The following ITGA3 variants were observed in gnomAD, a reference collection of about 807,000 sequenced individuals.
ITGA3 encodes integrin alpha-3.
In ITGA3, 70 loss-of-function variants were observed where a neutral mutation model predicts 131.1. That is an observed-to-expected ratio of 0.53 (90% CI 0.44 to 0.65). The LOEUF (loss-of-function observed/expected upper bound fraction) is 0.65, where lower values mean the gene tolerates loss of function less well. Ranked by LOEUF, ITGA3 falls within the 30% of genes least tolerant of loss-of-function variation. The pLI is 0.00. For synonymous variants in ITGA3, 537 were observed against 571.6 expected (o/e 0.94, Z 0.86); for missense variants, 1,098 against 1,388.6 (o/e 0.79, Z 3.33).
chr17:50,090,326 T>G lies in ITGA3; in HGVS notation c.*1248T>G. On this transcript the variant is annotated 3_prime_UTR_variant, in exon 26 of 26. Coordinates refer to ENST00000320031, the MANE Select transcript of ITGA3 (RefSeq NM_002204.4). ...GCCCATTTGAGAAGCTGAGGCTAGT[T>G]CCAGAAAACCTCTCCTGACCCCTGC... The G allele has an allele frequency of 2.2e-6, 1 of 447,810 alleles. No homozygotes were observed. The highest frequency in any genetic ancestry group is 1.6e-5 in the South Asian group (1 of 64,294). 27.7% of individuals were successfully genotyped at this position (447,810 alleles called of 1,614,324 possible).
chr17:50,079,964 C>A (rs978338947), intron 21 of ITGA3, among the ~76,000 whole-genome samples: 2 of 152,058 alleles, frequency 1.3e-5, no homozygotes, highest in Admixed American at 6.6e-5. Flanking sequence ...GAGGTGGTGT[C>A]CCAGGGGCAG....
intron 1 of ITGA3, among the ~76,000 whole-genome samples, chr17:50,062,996 CACCAG>C (rs2144261409): frequency 6.6e-6 from 1 of 152,340 alleles, no homozygotes; most frequent in East Asian, 1.9e-4. Context: ...CACCAGATTC[CACCAG>C]ATGGTGTGTT....
At chr17:50,075,764 G>A in intron 12 of ITGA3, 29 bp downstream of exon 12, 2 of 1,612,530 alleles carry the variant, frequency 1.2e-6, no homozygotes, top group Non-Finnish European at 1.7e-6. Context: ...TCAGGATGAG[G>A]GCTCCCAGGT....
At chr17:50,087,714 C>T (rs375956008) in intron 23 of ITGA3, 30 bp from the exon 24 acceptor site, 5 of 1,599,180 alleles carry the variant, frequency 3.1e-6, no homozygotes, top group African/African-American at 1.3e-5. Context: ...CAGGCTGACA[C>T]AGGGCTGAGT....
chr17:50,086,011 GATTTATAATATATATTAGATTATGT>G (rs1362610405), intron 23 of ITGA3, among the ~76,000 whole-genome samples: 598 of 2,224 alleles, frequency 0.27, 219 homozygotes, highest in East Asian at 0.46. Context: ...ACATATTATA[GATTTATAATATATATTAGATTATGT>G]TATATTATAG....
rs908922971 is a variant in ITGA3 at position 50,089,520 on chromosome 17, C to T, written c.*442C>T. ...CTAGATGCACGTGGGGCCCACTGCT[C>T]GTGGACTGTGCTGGTGCATCACGGA... On this transcript the variant is annotated 3_prime_UTR_variant, in exon 26 of 26. Transcript: ENST00000320031. 13 of 520,484 alleles carry T rather than the reference C, an allele frequency of 2.5e-5. No homozygotes were observed. The highest frequency in any genetic ancestry group is 3.5e-5 in the Non-Finnish European group (10 of 285,990). The allele number at this position is 520,484 out of a possible 1,614,324, so 32.2% of individuals were successfully genotyped here.
intron 14 of ITGA3, 67 bp downstream of exon 14, chr17:50,076,748 T>TG (rs1908926207): frequency 1.2e-6 from 1 of 846,010 alleles, no homozygotes; most frequent in Admixed American, 2.6e-5. Context: ...ACTGGCAGGG[T>TG]GGGGGCGGGG....
intron 22 of ITGA3, 91 bp downstream of exon 22, chr17:50,080,466 GTGTGTGTGTGTGTGT>G (rs1909141820): frequency 6.2e-5 from 6 of 96,818 alleles, no homozygotes; most frequent in South Asian, 1.3e-4. Context: ...TAGCATGGGT[GTGTGTGTGTGTGTGT>G]GTGTGTGTGT....
chr17:50,061,029 T>C (rs1440616109), intron 1 of ITGA3, among the ~76,000 whole-genome samples: 2 of 152,028 alleles, frequency 1.3e-5, no homozygotes, highest in Non-Finnish European at 1.5e-5. Flanking sequence ...CCCCCATCCA[T>C]GTGCAGGCCT....
rs773547087 is a variant in ITGA3 at position 50,071,313 on chromosome 17, T to C, written c.754T>C (p.Tyr252His). ...TGAACATCTTCCCTCTATCCCAGGG[T>C]ACACGATGCAGGTAGGCAGCTTCAT... ...PEDQGNLYIG[Y>H]TMQVGSFILH... is the part of the protein sequence containing the mutation. Residue 252 changes from tyrosine (Y) to histidine (H), a missense_variant and splice_region_variant, in exon 6 of 26, where the codon TAC (tyrosine) becomes CAC (histidine). This residue lies in a region of ITGA3 where 356 missense variants were observed against 529.2 expected (regional missense o/e 0.67). Coordinates refer to ENST00000320031, the MANE Select transcript of ITGA3 (RefSeq NM_002204.4). The C allele has an allele frequency of 7.4e-6, 12 of 1,613,640 alleles. No individual in the cohort carries two copies. In the South Asian group the frequency reaches 7.7e-5, roughly 10 times the overall value.
chr17:50,079,695 A>G (rs765243239), intron 21 of ITGA3, 138 bp downstream of exon 21: 62 of 982,280 alleles, frequency 6.3e-5, no homozygotes, highest in Non-Finnish European at 8.1e-5. Flanking sequence ...CTCCAGACAG[A>G]GCAGGGAGCC....
At position 50,056,776 on chromosome 17, in the gene ITGA3, C is replaced by T. The variant is rs143705083; in HGVS notation, c.206+131C>T. On this transcript the variant is annotated intron_variant, in intron 1 of 25. Coordinates refer to ENST00000320031, the MANE Select transcript of ITGA3 (RefSeq NM_002204.4). This position sits in a 1 kb window ranked among gnomAD's most constrained non-coding sequence, Gnocchi z 5.6. Reference sequence around the variant, plus strand: ...GGATTAAGGGGCGGCCCTCTGGCTGCTGGGGGTTGGCGGGAAGTGGAGGAT... The same window carrying T: ...GGATTAAGGGGCGGCCCTCTGGCTGTTGGGGGTTGGCGGGAAGTGGAGGAT... The T allele has an allele frequency of 4.9e-4, 449 of 912,042 alleles. 2 individuals are homozygous for T. The African/African-American group carries it at 6.2e-3, about 13-fold the overall frequency. The allele number at this position is 912,042 out of a possible 1,614,324, so 56.5% of individuals were successfully genotyped here.
intron 7 of ITGA3, 98 bp downstream of exon 7, chr17:50,072,280 G>T (rs906188131): frequency 8.9e-6 from 10 of 1,124,818 alleles, no homozygotes; most frequent in South Asian, 1.4e-5. Flanking sequence ...GGCTTGACAG[G>T]GCCCACAGAT....
chr17:50,088,005 T>C, intron 24 of ITGA3, 136 bp downstream of exon 24: 1 of 1,331,120 alleles, frequency 7.5e-7, no homozygotes, highest in Non-Finnish European at 1.0e-6. Context: ...CTCCACCTTC[T>C]ACCACCAGCT....
Position 50,072,166 on chromosome 17 carries a change from C to T in ITGA3, c.1140C>T (p.Asn380=). 2 of 1,613,426 alleles carry T rather than the reference C, an allele frequency of 1.2e-6. No homozygotes were observed. The highest frequency in any genetic ancestry group is 1.7e-6 in the Non-Finnish European group (2 of 1,179,878). ...GLSVASIGDI[N]QDGFQDIAVG... The stretch of plus-strand genomic sequence containing the variant: ...CTGTGGCCAGCATTGGTGACATCAA[C>T]CAGGATGGATTTCAGGGTATGAGCC... Residue 380 remains asparagine (N), a synonymous_variant, in exon 7 of 26, where the codon AAC becomes AAT. Coordinates refer to ENST00000320031, the MANE Select transcript of ITGA3 (RefSeq NM_002204.4).
intron 10 of ITGA3, 101 bp downstream of exon 10, chr17:50,074,635 T>C (rs767117246): frequency 2.5e-6 from 2 of 805,814 alleles, no homozygotes; most frequent in East Asian, 5.1e-5. Flanking sequence ...ATCCCACCTT[T>C]AGAAATTTGA....
At chr17:50,088,819 T>A (rs1255362062) in intron 25 of ITGA3, among the ~76,000 whole-genome samples, 1 of 152,144 alleles carries the variant, frequency 6.6e-6, no homozygotes, top group Non-Finnish European at 1.5e-5. Flanking sequence ...AACATTGTGG[T>A]CAGGGTAGAC....
intron 4 of ITGA3, among the ~76,000 whole-genome samples, chr17:50,068,698 C>T (rs1039628630): frequency 6.6e-6 from 1 of 152,068 alleles, no homozygotes; most frequent in Non-Finnish European, 1.5e-5. Context: ...GATGGAGTTT[C>T]ACCATGTTGC....
chr17:50,064,816 C>G lies in ITGA3; in HGVS notation c.414+209C>G, dbSNP rs896798365. ...TCCTGTGCTCTCCCAAACCCCCGCACGGCCTGAGTTCTCTGACTCATCCAC... is the reference window on the plus strand; with the variant it reads ...TCCTGTGCTCTCCCAAACCCCCGCAGGGCCTGAGTTCTCTGACTCATCCAC... On this transcript the variant is annotated intron_variant, in intron 3 of 25. Coordinates refer to ENST00000320031, the MANE Select transcript of ITGA3 (RefSeq NM_002204.4). This position sits in a 1 kb window ranked among gnomAD's most constrained non-coding sequence, Gnocchi z 4.4. 2.7e-5 allele frequency: 14 copies of G among 518,718 alleles called. No homozygotes were observed. The highest frequency in any genetic ancestry group is 3.1e-5 in the Non-Finnish European group (9 of 292,718). The allele number at this position is 518,718 out of a possible 1,614,324, so 32.1% of individuals were successfully genotyped here. A position where few individuals can be genotyped will look rare whatever the true frequency, so the allele number is the denominator to read the frequency against.
Sources: gnomAD v4.1 joint callset for allele counts (sites outside exome capture counted in the v4.1 genomes callset) on GRCh38, gnomAD v4.1.1 for gene constraint, gnomAD v4.1.1 regional missense constraint, Gnocchi (gnomAD v3.1) non-coding constraint, MANE v1.5 for transcripts, NCBI Gene and HGNC (gene_info 2026-07-23, HGNC 2026-07-21) for gene names.